The following SHISA9 variants were observed in gnomAD, a reference collection of about 807,000 sequenced individuals.
SHISA9 encodes shisa family member 9.
SHISA9 carries 13 observed loss-of-function variants against 38.0 expected under a neutral mutation model. The observed-to-expected ratio is 0.34, with a 90% CI of 0.22 to 0.54. The LOEUF is 0.54. SHISA9 is among the 20% of genes least tolerant of loss of function. The pLI is 0.91. For missense variants in SHISA9, 538 were observed against 575.8 expected (o/e 0.93, Z 0.67); for synonymous variants, 275 against 242.0 (o/e 1.14, Z -1.27).
At chr16:12,923,875 T>C (rs1249630656) in intron 2 of SHISA9, among the ~76,000 whole-genome samples, 1 of 151,760 alleles carries the variant, frequency 6.6e-6, no homozygotes, top group African/African-American at 2.4e-5. Flanking sequence ...ATCAGTGACA[T>C]CATAGTTAAT....
At chr16:12,933,677 C>T (rs528228584) in intron 2 of SHISA9, among the ~76,000 whole-genome samples, 1 of 152,292 alleles carries the variant, frequency 6.6e-6, no homozygotes, top group Admixed American at 6.5e-5. Context: ...GTTCTGTCTT[C>T]TTGCAAATCT....
chr16:12,904,046 C>G (rs1055946484), intron 1 of SHISA9, among the ~76,000 whole-genome samples: 1 of 151,908 alleles, frequency 6.6e-6, no homozygotes, highest in Admixed American at 6.6e-5. Flanking sequence ...TCTTGCTGCA[C>G]AGAAGTAAGC....
At chr16:12,931,378 C>T (rs2071459574) in intron 2 of SHISA9, among the ~76,000 whole-genome samples, 1 of 152,170 alleles carries the variant, frequency 6.6e-6, no homozygotes, top group Non-Finnish European at 1.5e-5. Context: ...ATGATCCTGT[C>T]ACCCAGGTGG....
At chr16:13,487,176 G>A in the SHISA9 span, among the ~76,000 whole-genome samples, 1 of 152,194 alleles carries the variant, frequency 6.6e-6, no homozygotes, top group African/African-American at 2.4e-5. Flanking sequence ...GACCCTGGCA[G>A]ATACCAAAAT....
chr16:13,503,776 G>A, the SHISA9 span, among the ~76,000 whole-genome samples: 1 of 152,146 alleles, frequency 6.6e-6, no homozygotes, highest in Non-Finnish European at 1.5e-5. Flanking sequence ...AGGCGTGGAT[G>A]TAATATAATG....
At chr16:12,958,866 G>C (rs2071871337) in intron 2 of SHISA9, among the ~76,000 whole-genome samples, 1 of 152,052 alleles carries the variant, frequency 6.6e-6, no homozygotes, top group Non-Finnish European at 1.5e-5. Flanking sequence ...CCACCCCCAG[G>C]TCTCAGCACG....
the SHISA9 span, among the ~76,000 whole-genome samples, chr16:13,558,342 C>T: frequency 6.6e-6 from 1 of 152,086 alleles, no homozygotes; most frequent in African/African-American, 2.4e-5. Context: ...TAGTTTCAGG[C>T]TTATTTATCA....
the SHISA9 span, among the ~76,000 whole-genome samples, chr16:13,370,086 C>T: frequency 6.6e-6 from 1 of 152,068 alleles, no homozygotes; most frequent in African/African-American, 2.4e-5. Context: ...AAATAAAATA[C>T]ATAGAGTTCA....
chr16:12,986,401 A>T (rs1316170543), intron 2 of SHISA9, among the ~76,000 whole-genome samples: 2 of 148,998 alleles, frequency 1.3e-5, no homozygotes, highest in Non-Finnish European at 3.0e-5. Flanking sequence ...TTCCGTTTAG[A>T]AAATGAATGA....
intron 4 of SHISA9, among the ~76,000 whole-genome samples, chr16:13,222,698 A>G (rs774965324): frequency 1.3e-5 from 2 of 152,090 alleles, no homozygotes; most frequent in Non-Finnish European, 2.9e-5. Flanking sequence ...TGTACATTTC[A>G]GGAGATGTAC....
At chr16:13,182,304 C>A (rs1215000254) in intron 2 of SHISA9, among the ~76,000 whole-genome samples, 2 of 152,260 alleles carry the variant, frequency 1.3e-5, no homozygotes, top group Non-Finnish European at 2.9e-5. Flanking sequence ...GTCACATAGC[C>A]AAAAACTCCA....
chr16:13,367,695 CGT>C, the SHISA9 span, among the ~76,000 whole-genome samples: 227 of 71,850 alleles, frequency 3.2e-3, no homozygotes, highest in African/African-American at 0.01. Context: ...CACGCGTGTG[CGT>C]GCGCGCGCGC....
the SHISA9 span, among the ~76,000 whole-genome samples, chr16:13,477,658 A>G: frequency 3.9e-5 from 6 of 152,176 alleles, no homozygotes; most frequent in African/African-American, 7.2e-5. Context: ...TGCCAACTGA[A>G]ATGTGCACTT....
rs532285101 is a variant in SHISA9, at chr16:12,961,025, T to TG, written c.691+44217dup. Reference sequence around the variant, plus strand: ...TTTGTGTAATTATATCTGTAACATGTGGGGGGGATGATGAAAGGAGAGTGT... The same window carrying TG: ...TTTGTGTAATTATATCTGTAACATGTGGGGGGGGATGATGAAAGGAGAGTGT... On this transcript the variant is annotated intron_variant, in intron 2 of 4. Coordinates refer to ENST00000558583, the MANE Select transcript of SHISA9 (RefSeq NM_001145204.3). Among the ~76,000 whole-genome samples the TG allele has an allele frequency of 1.3e-4, 19 of 145,496 alleles. No individual in the cohort carries two copies. The East Asian group carries it at 1.8e-3, about 14-fold the overall frequency.
chr16:13,014,783 G>A (rs1009633499), intron 2 of SHISA9, among the ~76,000 whole-genome samples: 1 of 152,212 alleles, frequency 6.6e-6, no homozygotes, highest in African/African-American at 2.4e-5. Flanking sequence ...TGATGAATCA[G>A]GCCTCACAGT....
At chr16:13,429,455 A>G in the SHISA9 span, among the ~76,000 whole-genome samples, 1 of 151,866 alleles carries the variant, frequency 6.6e-6, no homozygotes, top group Non-Finnish European at 1.5e-5. Flanking sequence ...CTCTTCACAT[A>G]GTGTTTTCCT....
intron 2 of SHISA9, among the ~76,000 whole-genome samples, chr16:13,032,636 G>T (rs1167888405): frequency 3.3e-5 from 5 of 152,162 alleles, no homozygotes; most frequent in African/African-American, 9.7e-5. Context: ...AAAGTGCCTT[G>T]TACAGTGCCT....
At chr16:13,148,032 C>G (rs1042425002) in intron 2 of SHISA9, among the ~76,000 whole-genome samples, 1 of 152,110 alleles carries the variant, frequency 6.6e-6, no homozygotes, top group African/African-American at 2.4e-5. Flanking sequence ...TGAAGAAGGA[C>G]CTAGGGTGTT....
chr16:13,001,286 G>A (rs1317834223), intron 2 of SHISA9, among the ~76,000 whole-genome samples: 3 of 152,134 alleles, frequency 2.0e-5, no homozygotes, highest in South Asian at 2.1e-4. Flanking sequence ...ACTCCAGATC[G>A]CCACAATAAT....
Sources: gnomAD v4.1 joint callset for allele counts (sites outside exome capture counted in the v4.1 genomes callset) on GRCh38, gnomAD v4.1.1 for gene constraint, MANE v1.5 for transcripts, NCBI Gene and HGNC (gene_info 2026-07-23, HGNC 2026-07-21) for gene names.